Variants in UBE2D2 observed in about 807,000 individuals in gnomAD.
UBE2D2 encodes ubiquitin conjugating enzyme E2 D2.
In UBE2D2, 2 loss-of-function variants were observed where a neutral mutation model predicts 24.2. That is an observed-to-expected ratio of 0.08 (90% CI 0.03 to 0.26). The LOEUF (loss-of-function observed/expected upper bound fraction) is 0.26, where lower values mean the gene tolerates loss of function less well. Ranked by LOEUF, UBE2D2 falls within the 10% of genes least tolerant of loss-of-function variation. The probability of loss-of-function intolerance (pLI) is 1.00; values close to 1 mark genes in which losing one functional copy is unlikely to be tolerated. For missense variants in UBE2D2, 44 were observed against 177.6 expected (o/e 0.25, Z 4.28); for synonymous variants, 58 against 56.5 (o/e 1.03, Z -0.12).
At chr5:139,597,839 A>G (rs1261134000) in intron 1 of UBE2D2, among the ~76,000 whole-genome samples, 1 of 152,244 alleles carries the variant, frequency 6.6e-6, no homozygotes, top group Non-Finnish European at 1.5e-5. Context: ...CATAAAATCT[A>G]AAATTTGAGA....
intron 1 of UBE2D2, among the ~76,000 whole-genome samples, chr5:139,573,244 G>A (rs748418378): frequency 1.3e-5 from 2 of 150,838 alleles, no homozygotes; most frequent in Non-Finnish European, 2.9e-5. Flanking sequence ...GGAACTTGCA[G>A]TGAGCCGAGA....
intron 1 of UBE2D2, among the ~76,000 whole-genome samples, chr5:139,597,688 G>T (rs1190841646): frequency 6.6e-6 from 1 of 152,184 alleles, no homozygotes; most frequent in Non-Finnish European, 1.5e-5. Flanking sequence ...TTAACAACCT[G>T]TTGCTATAGC....
intron 1 of UBE2D2, among the ~76,000 whole-genome samples, chr5:139,587,438 T>C (rs1327730821): frequency 1.3e-5 from 2 of 151,964 alleles, no homozygotes; most frequent in Admixed American, 6.6e-5. Flanking sequence ...CCCAGCACTT[T>C]GGGAGGCCGA....
Position 139,561,741 on chromosome 5 carries a change from C to CT in UBE2D2, c.-49dup. On this transcript the variant is annotated 5_prime_UTR_variant, in exon 1 of 7. Coordinates refer to ENST00000398733, the MANE Select transcript of UBE2D2 (RefSeq NM_003339.3). ...AGGCTCCCTAGCCCCTTCCCCGTCC[C>CT]TTCCCCGCCCCCGTCCCCGCCCCGG... The CT allele has an allele frequency of 7.1e-7, 1 of 1,405,914 alleles. No individual in the cohort carries two copies. Among genetic ancestry groups the CT allele is most frequent in the Non-Finnish European group, 9.5e-7 (1 of 1,057,540 alleles). The allele number at this position is 1,405,914 out of a possible 1,614,324, so 87.1% of individuals were successfully genotyped here.
chr5:139,602,366 C>T (rs1263362724), intron 2 of UBE2D2, among the ~76,000 whole-genome samples: 1 of 152,052 alleles, frequency 6.6e-6, no homozygotes. Context: ...ATTGTTTTTT[C>T]CTGATTTTTC....
At chr5:139,578,628 A>T (rs1231355961) in intron 1 of UBE2D2, among the ~76,000 whole-genome samples, 1 of 151,878 alleles carries the variant, frequency 6.6e-6, no homozygotes, top group Non-Finnish European at 1.5e-5. Flanking sequence ...TTTTAAAAAA[A>T]TTTTTGTAGA....
At chr5:139,620,847 G>A (rs555101280) in intron 5 of UBE2D2, among the ~76,000 whole-genome samples, 49 of 152,330 alleles carry the variant, frequency 3.2e-4, no homozygotes, top group Admixed American at 2.0e-3. Context: ...AGCTCTATTA[G>A]CATTAGTATA....
intron 1 of UBE2D2, among the ~76,000 whole-genome samples, chr5:139,574,282 A>G (rs1470034913): frequency 7.3e-6 from 1 of 136,968 alleles, no homozygotes; most frequent in Admixed American, 7.0e-5. Context: ...CTCTGTCTCA[A>G]AAAAAAAAAA....
At chr5:139,543,041 C>T (rs1389516215) in intron 1 of UBE2D2, among the ~76,000 whole-genome samples, 8 of 152,076 alleles carry the variant, frequency 5.3e-5, no homozygotes, top group South Asian at 2.1e-4. Flanking sequence ...GGACTACAGG[C>T]GCGCGCCACC....
intron 1 of UBE2D2, among the ~76,000 whole-genome samples, chr5:139,527,119 T>C (rs1752550450): frequency 6.6e-6 from 1 of 152,172 alleles, no homozygotes; most frequent in African/African-American, 2.4e-5. Flanking sequence ...CCAGAAAAAC[T>C]TAGAACTTTG....
At chr5:139,616,718 C>T (rs917245990) in intron 5 of UBE2D2, among the ~76,000 whole-genome samples, 5 of 152,180 alleles carry the variant, frequency 3.3e-5, no homozygotes, top group East Asian at 1.9e-4. Flanking sequence ...CATCCATGCC[C>T]ATTCACCCAA....
In UBE2D2 at chr5:139,561,995, C is replaced by T. The variant is rs778101176; in HGVS notation, c.24+180C>T. The T allele has an allele frequency of 1.9e-4, 185 of 973,562 alleles. 1 individual carries two copies. Among genetic ancestry groups the T allele is most frequent in the South Asian group, 4.3e-4 (21 of 49,104 alleles). The allele number at this position is 973,562 out of a possible 1,614,324, so 60.3% of individuals were successfully genotyped here. On this transcript the variant is annotated intron_variant, in intron 1 of 6. Transcript: ENST00000398733. ...CGCCCGTGGAGGCCCCGGCGCGCAG[C>T]CCGCGCTTAGGCCGGAGGTGCTCTC...
intron 1 of UBE2D2, among the ~76,000 whole-genome samples, chr5:139,588,371 G>A (rs1306756192): frequency 6.6e-6 from 1 of 151,862 alleles, no homozygotes; most frequent in African/African-American, 2.4e-5. Flanking sequence ...CGCCTCCCAG[G>A]TTCAAGCTAT....
At chr5:139,568,617 G>A (rs1209966351) in intron 1 of UBE2D2, among the ~76,000 whole-genome samples, 1 of 151,792 alleles carries the variant, frequency 6.6e-6, no homozygotes, top group Non-Finnish European at 1.5e-5. Context: ...AGATCGCGCC[G>A]CTGCATTCTA....
chr5:139,613,093 A>G (rs140651869), intron 2 of UBE2D2, among the ~76,000 whole-genome samples: 2 of 152,342 alleles, frequency 1.3e-5, no homozygotes, highest in East Asian at 1.9e-4. Flanking sequence ...GGGCTAATCT[A>G]AGGAAGGGAG....
chr5:139,561,305 C>T (rs1753075590), upstream of UBE2D2: 1 of 153,206 alleles, frequency 6.5e-6, no homozygotes, highest in South Asian at 2.1e-4. Context: ...GCCTCCCGAC[C>T]TGCCCCTCGG....
intron 1 of UBE2D2, among the ~76,000 whole-genome samples, chr5:139,528,672 T>C (rs1752566444): frequency 6.6e-6 from 1 of 152,220 alleles, no homozygotes; most frequent in Admixed American, 6.5e-5. Flanking sequence ...TAATGAATGC[T>C]AGACTAACTA....
At chr5:139,619,901 G>A (rs951102466) in intron 5 of UBE2D2, among the ~76,000 whole-genome samples, 3 of 152,074 alleles carry the variant, frequency 2.0e-5, no homozygotes, top group Non-Finnish European at 4.4e-5. Flanking sequence ...CAGTTCTGTG[G>A]GCTATACAGA....
intron 1 of UBE2D2, among the ~76,000 whole-genome samples, chr5:139,536,054 G>A (rs987267431): frequency 1.3e-5 from 2 of 150,448 alleles, no homozygotes; most frequent in East Asian, 2.0e-4. Context: ...CACCACACCC[G>A]GCTAAGTTTT....
Sources: allele counts gnomAD v4.1 joint callset (sites outside exome capture counted in the v4.1 genomes callset), GRCh38; gene constraint gnomAD v4.1.1; transcripts MANE v1.5; gene names NCBI Gene and HGNC (gene_info 2026-07-23, HGNC 2026-07-21).